Variants in UNKL observed in about 807,000 individuals in gnomAD.
The protein encoded by UNKL is putative E3 ubiquitin-protein ligase UNKL.
A neutral mutation model predicts 78.0 loss-of-function variants in UNKL; 60 were observed. The observed-to-expected ratio is 0.77, with a 90% CI of 0.63 to 0.95. The LOEUF is 0.95. UNKL is among the 40% of genes least tolerant of loss of function. UNKL has a pLI of 0.00. For missense variants in UNKL, 1,159 were observed against 1,045.7 expected (o/e 1.11, Z -1.49); for synonymous variants, 608 against 474.8 (o/e 1.28, Z -3.65).
Position 1,403,444 on chromosome 16 carries a change from AT to A in UNKL, c.288-101del, listed in dbSNP as rs1369225804. ...CCTGTCAGCACGTGGCAAGCAGTGA[AT>A]TCCCTTCCCTTCTTCCAGATTCCTG... On this transcript the variant is annotated intron_variant, in intron 2 of 14. Coordinates refer to ENST00000389221, the MANE Select transcript of UNKL (RefSeq NM_001372107.1). The surrounding 1 kb of genome is among the most constrained non-coding windows in gnomAD (Gnocchi z 4.8). The A allele has an allele frequency of 6.7e-6, 9 of 1,348,786 alleles. No individual in the cohort carries two copies. The highest frequency in any genetic ancestry group is 9.1e-6 in the Non-Finnish European group (9 of 989,950). The allele number at this position is 1,348,786 out of a possible 1,614,324, so 83.6% of individuals were successfully genotyped here. A position where few individuals can be genotyped will look rare whatever the true frequency, so the allele number is the denominator to read the frequency against.
chr16:1,374,258 C>T (rs1198343458), intron 10 of UNKL, among the ~76,000 whole-genome samples: 4 of 152,218 alleles, frequency 2.6e-5, no homozygotes. Context: ...TTGGCATCCA[C>T]TCTCCCATGT....
At chr16:1,394,694 C>G (rs982387049) in intron 6 of UNKL, among the ~76,000 whole-genome samples, 6 of 152,140 alleles carry the variant, frequency 3.9e-5, no homozygotes, top group Admixed American at 3.9e-4. Flanking sequence ...CCTTGGGAGG[C>G]CTGGCCCAGC....
chr16:1,404,854 A>G (rs2037677665), intron 2 of UNKL, among the ~76,000 whole-genome samples: 2 of 152,240 alleles, frequency 1.3e-5, no homozygotes, highest in African/African-American at 4.8e-5. Context: ...TATCCACACA[A>G]TGGGGTAAAC....
At position 1,397,163 on chromosome 16, in the gene UNKL, G is replaced by A. The variant is rs769256467; in HGVS notation, c.852+15C>T. The A allele has an allele frequency of 2.6e-6, 4 of 1,546,784 alleles. No individual in the cohort carries two copies. The highest frequency in any genetic ancestry group is 3.5e-6 in the Non-Finnish European group (4 of 1,146,680). ...TTCCAGCGACCCCTACGCCTGGGGG[G>A]TTGGAGGGACGTACCTCGGGATGGA... On this transcript the variant is annotated intron_variant, in intron 6 of 14. Transcript: ENST00000389221.
At chr16:1,413,505 C>G (rs138923541) in intron 2 of UNKL, among the ~76,000 whole-genome samples, 3 of 151,920 alleles carry the variant, frequency 2.0e-5, no homozygotes, top group Non-Finnish European at 4.4e-5. Flanking sequence ...GAGGTAGAGG[C>G]TGCAGTGAGC....
intron 2 of UNKL, chr16:1,411,970 A>G (rs1027675799): frequency 6.6e-6 from 1 of 152,234 alleles, no homozygotes; most frequent in Non-Finnish European, 1.5e-5. Flanking sequence ...AGACTTCACA[A>G]GGATCTCCGT....
At chr16:1,386,777 C>A (rs974913637) in intron 9 of UNKL, among the ~76,000 whole-genome samples, 1 of 152,130 alleles carries the variant, frequency 6.6e-6, no homozygotes, top group Non-Finnish European at 1.5e-5. Context: ...ACCTAAGGGT[C>A]CTGCTGCCTG....
At chr16:1,369,958 G>A (rs974512868) in intron 12 of UNKL, 172 bp downstream of exon 12, 3 of 1,549,996 alleles carry the variant, frequency 1.9e-6, no homozygotes, top group South Asian at 2.4e-5. Context: ...CTGGGCGACA[G>A]AGCGAGACTC....
intron 10 of UNKL, among the ~76,000 whole-genome samples, chr16:1,377,554 C>A (rs934013674): frequency 5.3e-5 from 8 of 152,098 alleles, no homozygotes; most frequent in African/African-American, 1.9e-4. Context: ...CTCACTCTGC[C>A]CACCGCTGCC....
intron 10 of UNKL, among the ~76,000 whole-genome samples, chr16:1,372,559 G>T (rs1479430109): frequency 6.6e-6 from 1 of 152,156 alleles, no homozygotes; most frequent in East Asian, 1.9e-4. Flanking sequence ...CTAGAATTAG[G>T]AAGCCATCAT....
chr16:1,406,018 T>G (rs2037745118), intron 2 of UNKL: 3 of 456,654 alleles, frequency 6.6e-6, no homozygotes, highest in South Asian at 4.6e-5. Context: ...CCAGCTGGTG[T>G]GGACGAGGCC....
intron 10 of UNKL, among the ~76,000 whole-genome samples, chr16:1,375,194 G>A (rs949305980): frequency 6.6e-6 from 1 of 152,264 alleles, no homozygotes; most frequent in African/African-American, 2.4e-5. Context: ...ACAGGCAGAG[G>A]CTGGCGTGGA....
chr16:1,391,354 T>C (rs1212720091), intron 8 of UNKL, among the ~76,000 whole-genome samples: 1 of 152,240 alleles, frequency 6.6e-6, no homozygotes, highest in Admixed American at 6.5e-5. Context: ...GATCTCGCTC[T>C]GTCTCCCAGG....
chr16:1,366,288 G>A lies in UNKL; in HGVS notation c.2154C>T (p.Ala718=), dbSNP rs2035244759. The A allele has an allele frequency of 1.3e-6, 2 of 1,596,288 alleles. No individual in the cohort carries two copies. Among genetic ancestry groups the A allele is most frequent in the Non-Finnish European group, 8.5e-7 (1 of 1,173,030 alleles). Residue 718 remains alanine (A), a synonymous_variant, in exon 15 of 15, where the codon GCC becomes GCT. Coordinates refer to ENST00000389221, the MANE Select transcript of UNKL (RefSeq NM_001372107.1). Reference sequence around the variant, plus strand: ...TGCAGTAGGGGCACTCAGGTGCGGTGGCCGCACACGGCTCACAGAGGATGT... The same window carrying A: ...TGCAGTAGGGGCACTCAGGTGCGGTAGCCGCACACGGCTCACAGAGGATGT... The part of the protein sequence containing the change: ...QHHILCEPCA[A]TAPECPYCKG...
At chr16:1,368,168 G>C in intron 12 of UNKL, 1 of 435,530 alleles carries the variant, frequency 2.3e-6, no homozygotes, top group Non-Finnish European at 4.1e-6. Context: ...TGAGGTGGGA[G>C]GGGCAGTGGT....
chr16:1,386,984 C>T (rs2036842585), intron 9 of UNKL, among the ~76,000 whole-genome samples: 1 of 152,212 alleles, frequency 6.6e-6, no homozygotes, highest in African/African-American at 2.4e-5. Context: ...GGCCCAGAGA[C>T]CACTTTTCCT....
chr16:1,403,000 C>CA lies in UNKL; in HGVS notation c.464+167dup, dbSNP rs1313327401. Among the ~76,000 whole-genome samples, 5 of 151,894 alleles carry CA rather than the reference C, an allele frequency of 3.3e-5. No individual in the cohort carries two copies. The East Asian group carries it at 7.7e-4, about 23-fold the overall frequency. On this transcript the variant is annotated intron_variant, in intron 3 of 14. Coordinates refer to ENST00000389221, the MANE Select transcript of UNKL (RefSeq NM_001372107.1). ...GAACGAGAATCCGTCTCAAAAAAAG[C>CA]AAAAAAAGGACTAACATCCAGACTC...
At chr16:1,407,764 C>T (rs1820321186) in intron 2 of UNKL, among the ~76,000 whole-genome samples, 4 of 151,546 alleles carry the variant, frequency 2.6e-5, no homozygotes, top group Admixed American at 1.3e-4. Context: ...AGGAATGGGG[C>T]AAGCCTGTTT....
intron 6 of UNKL, chr16:1,396,920 G>A: frequency 2.0e-6 from 1 of 507,056 alleles, no homozygotes; most frequent in South Asian, 2.3e-5. Flanking sequence ...TTTTCTCTCT[G>A]CTTTTTTCCC....
Sources: gnomAD v4.1 joint callset for allele counts (sites outside exome capture counted in the v4.1 genomes callset) on GRCh38, gnomAD v4.1.1 for gene constraint, Gnocchi (gnomAD v3.1) non-coding constraint, MANE v1.5 for transcripts, NCBI Gene and HGNC (gene_info 2026-07-23, HGNC 2026-07-21) for gene names.